PSMB2: variants seen among roughly 807,000 people sequenced by gnomAD.
PSMB2 encodes the protein proteasome subunit beta type-2.
A neutral mutation model predicts 25.7 loss-of-function variants in PSMB2; 13 were observed. The ratio of observed to expected loss-of-function variants is 0.51; its 90% CI spans 0.33 to 0.80. The LOEUF (loss-of-function observed/expected upper bound fraction) is 0.80. Among genes scored for constraint, PSMB2 ranks in the 30% least tolerant of loss-of-function variants. The pLI is 0.02. For missense variants in PSMB2, 202 were observed against 259.0 expected (o/e 0.78, Z 1.51); for synonymous variants, 87 against 96.2 (o/e 0.90, Z 0.56).
intron 3 of PSMB2, among the ~76,000 whole-genome samples, chr1:35,609,817 A>G (rs1207957614): frequency 6.6e-6 from 1 of 152,212 alleles, no homozygotes; most frequent in Non-Finnish European, 1.5e-5. Flanking sequence ...AGGAGAAATG[A>G]TTGAGGTGAG....
chr1:35,607,353 A>T (rs1345712585), intron 4 of PSMB2, among the ~76,000 whole-genome samples: 1 of 152,204 alleles, frequency 6.6e-6, no homozygotes, highest in Non-Finnish European at 1.5e-5. Context: ...AAAATTCATT[A>T]AAAAATGGGC....
intron 1 of PSMB2, among the ~76,000 whole-genome samples, chr1:35,636,638 C>T (rs1651252610): frequency 6.6e-6 from 1 of 151,610 alleles, no homozygotes; most frequent in Non-Finnish European, 1.5e-5. Context: ...CATGTACTGA[C>T]TTTTTTTCTG....
At chr1:35,628,395 C>A (rs1248741011) in intron 3 of PSMB2, among the ~76,000 whole-genome samples, 1 of 150,804 alleles carries the variant, frequency 6.6e-6, no homozygotes, top group African/African-American at 2.4e-5. Context: ...TTTATTGTGC[C>A]CAAAGCTGGA....
rs749886249 is a variant in PSMB2 at position 35,603,372 on chromosome 1, G to T, written c.501C>A (p.Leu167=). The T allele has an allele frequency of 6.2e-7, 1 of 1,614,056 alleles. No individual in the cohort carries two copies. The highest frequency in any genetic ancestry group is 1.1e-5 in the South Asian group (1 of 91,060). Residue 167 remains leucine (L), a splice_region_variant and synonymous_variant, in exon 6 of 6, where the codon CTC becomes CTA. Coordinates refer to ENST00000373237, the MANE Select transcript of PSMB2 (RefSeq NM_002794.5). ...GCAGATTCAGGATGAAGCGTTTCTG[G>T]AGCTGCAGAGAGACATGGAGGAAAT... ...VELLRKCLEE[L]QKRFILNLPT...
chr1:35,634,106 C>A (rs1651178473), intron 2 of PSMB2, among the ~76,000 whole-genome samples: 1 of 152,140 alleles, frequency 6.6e-6, no homozygotes, highest in South Asian at 2.1e-4. Flanking sequence ...CCAGAGAGAG[C>A]TCACAAAATA....
At chr1:35,618,446 GAAGA>G (rs1250430313) in intron 3 of PSMB2, among the ~76,000 whole-genome samples, 1 of 150,270 alleles carries the variant, frequency 6.7e-6, no homozygotes, top group Non-Finnish European at 1.5e-5. Context: ...CTCGCACATG[GAAGA>G]AAGTAAAGAA....
At chr1:35,641,064 T>C (rs1651380823) in intron 1 of PSMB2, among the ~76,000 whole-genome samples, 2 of 152,178 alleles carry the variant, frequency 1.3e-5, no homozygotes, top group South Asian at 4.1e-4. Context: ...TGGTGGCGCA[T>C]ATCTGTTCCC....
At position 35,600,577 on chromosome 1, in the gene PSMB2, C is replaced by G; in HGVS notation, c.*2690G>C. 4 of 985,422 alleles carry G rather than the reference C, an allele frequency of 4.1e-6. No individual in the cohort carries two copies. The highest frequency in any genetic ancestry group is 4.8e-6 in the Non-Finnish European group (4 of 829,922). The allele number at this position is 985,422 out of a possible 1,614,324, so 61.0% of individuals were successfully genotyped here. A position where few individuals can be genotyped will look rare whatever the true frequency, so the allele number is the denominator to read the frequency against. ...TGGGAAACCAGGTAGCTCTAATTCT[C>G]TAAGACAGAATGTCATAGAGGCGGT... On this transcript the variant is annotated 3_prime_UTR_variant, in exon 6 of 6. Coordinates refer to ENST00000373237, the MANE Select transcript of PSMB2 (RefSeq NM_002794.5).
chr1:35,632,721 C>T (rs573401948), intron 2 of PSMB2, among the ~76,000 whole-genome samples: 1 of 152,042 alleles, frequency 6.6e-6, no homozygotes, highest in South Asian at 2.1e-4. Context: ...TGATGAAACC[C>T]CGTCTCTACT....
In PSMB2 at chr1:35,628,597, ATATATAT is replaced by A. The variant is rs1475208882; in HGVS notation, c.285+2670_285+2676del. 9.5e-3 allele frequency among the ~76,000 whole-genome samples: 204 copies of A among 21,548 alleles called. 4 individuals carry two copies. The highest frequency in any genetic ancestry group is 0.022 in the African/African-American group (151 of 6,958). 14.1% of individuals were successfully genotyped at this position (21,548 alleles called of 152,430 possible). On this transcript the variant is annotated intron_variant, in intron 3 of 5. Coordinates refer to ENST00000373237, the MANE Select transcript of PSMB2 (RefSeq NM_002794.5). ...TTGGAAGAAAAAAAAAAAAAAAAAA[ATATATAT>A]ATATATATATATATATATATATATA...
intron 3 of PSMB2, among the ~76,000 whole-genome samples, chr1:35,612,087 T>TG (rs1650359949): frequency 6.6e-6 from 1 of 152,194 alleles, no homozygotes; most frequent in Non-Finnish European, 1.5e-5. Context: ...AGTTTCTGTT[T>TG]TAGTGATAGG....
chr1:35,628,625 A>ATTTTTTTTT (rs1293637771), intron 3 of PSMB2, among the ~76,000 whole-genome samples: 2 of 44,016 alleles, frequency 4.5e-5, no homozygotes, highest in Non-Finnish European at 7.1e-5. Flanking sequence ...ATATATATAT[A>ATTTTTTTTT]TATATATTTT....
At position 35,613,948 on chromosome 1, in the gene PSMB2, A is replaced by C. The variant is rs113605944; in HGVS notation, c.286-4540T>G. The stretch of plus-strand genomic sequence containing the variant: ...TAAAGACTCTATAAACAATGCAAGT[A>C]CTCAGGAGAAGCCCAACTACTTCTG... On this transcript the variant is annotated intron_variant, in intron 3 of 5. Coordinates refer to ENST00000373237, the MANE Select transcript of PSMB2 (RefSeq NM_002794.5). 1.9e-3 allele frequency among the ~76,000 whole-genome samples: 283 copies of C among 152,354 alleles called. 4 individuals carry two copies. The highest frequency in any genetic ancestry group is 6.3e-3 in the African/African-American group (263 of 41,582).
chr1:35,636,297 A>C lies in PSMB2; in HGVS notation c.214+13T>G, dbSNP rs377698259. 4 of 1,613,750 alleles carry C rather than the reference A, an allele frequency of 2.5e-6. No homozygotes were observed. Among genetic ancestry groups the C allele is most frequent in the Non-Finnish European group, 3.4e-6 (4 of 1,179,864 alleles). On this transcript the variant is annotated intron_variant, in intron 2 of 5. Coordinates refer to ENST00000373237, the MANE Select transcript of PSMB2 (RefSeq NM_002794.5). Reference sequence around the variant, plus strand: ...AAACTCATATGCCAACTAAAACTGTAAGTCTTACCCACCATTTCGCATCTT... The same window carrying C: ...AAACTCATATGCCAACTAAAACTGTCAGTCTTACCCACCATTTCGCATCTT...
chr1:35,631,674 G>GAA, intron 2 of PSMB2: 1 of 216,590 alleles, frequency 4.6e-6, no homozygotes, highest in Non-Finnish European at 8.3e-6. Context: ...CACAAGAAGT[G>GAA]AAAAAAAAAG....
chr1:35,628,428 A>G (rs901226337), intron 3 of PSMB2, among the ~76,000 whole-genome samples: 9 of 151,340 alleles, frequency 5.9e-5, no homozygotes, highest in African/African-American at 2.2e-4. Context: ...GTTCTGCCTG[A>G]TAAGTCAGAG....
chr1:35,603,305 C>T lies in PSMB2; in HGVS notation c.568G>A (p.Asp190Asn). The T allele has an allele frequency of 1.9e-5, 30 of 1,614,080 alleles. No homozygotes were observed. The highest frequency in any genetic ancestry group is 2.5e-5 in the Non-Finnish European group (30 of 1,179,994). ...TTGGGGAAGGAAATGTTATCCAGGT[C>T]ATGGATGCCATTTTTGTCAATGATT... Reference protein sequence around the residue: ...VRIIDKNGIHDLDNISFPKQG... With the variant: ...VRIIDKNGIHNLDNISFPKQG... Residue 190 changes from aspartate (D) to asparagine (N), a missense_variant, in exon 6 of 6, where the codon GAC (aspartate) becomes AAC (asparagine). Physicochemically the swap from Asp to Asn is conservative, Grantham distance 23 (BLOSUM62 1). Transcript: ENST00000373237.
rs149626764 is a variant in PSMB2, at chr1:35,611,743, G to T, written c.286-2335C>A. 6.2e-3 allele frequency among the ~76,000 whole-genome samples: 940 copies of T among 152,192 alleles called. 14 individuals are homozygous for T. Among genetic ancestry groups the T allele is most frequent in the African/African-American group, 0.022 (909 of 41,520 alleles). ...GGAGGCTGAGGCATGAGAATCGCCTGAACCTGGGAGGCAGAGGCTGCAGTG... is the reference window on the plus strand; with the variant it reads ...GGAGGCTGAGGCATGAGAATCGCCTTAACCTGGGAGGCAGAGGCTGCAGTG... On this transcript the variant is annotated intron_variant, in intron 3 of 5. Transcript: ENST00000373237.
At chr1:35,639,662 G>C (rs1651338954) in intron 1 of PSMB2, among the ~76,000 whole-genome samples, 1 of 152,178 alleles carries the variant, frequency 6.6e-6, no homozygotes, top group Non-Finnish European at 1.5e-5. Flanking sequence ...TTTTCAATGT[G>C]ATTTCACATA....
Sources: allele counts gnomAD v4.1 joint callset (sites outside exome capture counted in the v4.1 genomes callset), GRCh38; gene constraint gnomAD v4.1.1; transcripts MANE v1.5; gene names NCBI Gene and HGNC (gene_info 2026-07-23, HGNC 2026-07-21).